Variants in SPTLC1 observed in about 807,000 individuals in gnomAD.
SPTLC1 encodes the protein serine palmitoyltransferase long chain base subunit 1.
A neutral mutation model predicts 68.9 loss-of-function variants in SPTLC1; 55 were observed. The ratio of observed to expected loss-of-function variants is 0.80; its 90% CI spans 0.64 to 1.00. SPTLC1 has a LOEUF of 1.00. Ranked by LOEUF, SPTLC1 falls within the 50% of genes least tolerant of loss-of-function variation. The probability of loss-of-function intolerance (pLI) is 0.00; values close to 1 mark genes in which losing one functional copy is unlikely to be tolerated. For missense variants in SPTLC1, 449 were observed against 573.1 expected (o/e 0.78, Z 2.21); for synonymous variants, 197 against 201.6 (o/e 0.98, Z 0.19).
chr9:92,075,361 C>T (rs914246034), intron 5 of SPTLC1, among the ~76,000 whole-genome samples: 1 of 152,150 alleles, frequency 6.6e-6, no homozygotes, highest in Non-Finnish European at 1.5e-5. Flanking sequence ...AACCAAACCA[C>T]TCTATAAACT....
chr9:92,065,544 AT>A (rs1224300314), intron 6 of SPTLC1, among the ~76,000 whole-genome samples: 2 of 152,248 alleles, frequency 1.3e-5, no homozygotes, highest in East Asian at 3.9e-4. Flanking sequence ...ACAATGTAGT[AT>A]TTATCAAAGG....
chr9:92,049,989 G>C lies in SPTLC1; in HGVS notation c.859C>G (p.Arg287Gly). Residue 287 changes from arginine (R) to glycine (G), a missense_variant, in exon 9 of 15, where the codon CGA (arginine) becomes GGA (glycine). Around this residue, in one of 3 missense-constraint regions of SPTLC1, gnomAD observed 391 missense variants for 472.1 expected, o/e 0.83. Transcript: ENST00000262554. ...LSFGVLGEHG[R>G]GVTEHYGINI... ...ATTCCATAGTGTTCAGTGACTCCTCGGCCATGCTCTCCTAGGACTCCAAAT... is the reference window on the plus strand; with the variant it reads ...ATTCCATAGTGTTCAGTGACTCCTCCGCCATGCTCTCCTAGGACTCCAAAT... 6.2e-7 allele frequency: 1 copy of C among 1,613,352 alleles called. No individual in the cohort carries two copies.
chr9:92,066,996 AAAAAAT>A (rs1423716002), intron 6 of SPTLC1, among the ~76,000 whole-genome samples: 10 of 151,696 alleles, frequency 6.6e-5, no homozygotes, highest in Middle Eastern at 6.8e-3. Flanking sequence ...AAAAAAAATT[AAAAAAT>A]AAAAATAAAA....
At chr9:92,089,410 T>C (rs1009534247) in intron 3 of SPTLC1, among the ~76,000 whole-genome samples, 6 of 151,856 alleles carry the variant, frequency 4.0e-5, no homozygotes, top group African/African-American at 1.5e-4. Context: ...CAAAATTCTA[T>C]CTCAAAAACA....
chr9:92,062,262 A>T (rs1834133847), intron 6 of SPTLC1, among the ~76,000 whole-genome samples: 1 of 152,246 alleles, frequency 6.6e-6, no homozygotes, highest in African/African-American at 2.4e-5. Context: ...GAAAATTATC[A>T]GAGACAGAGA....
intron 6 of SPTLC1, among the ~76,000 whole-genome samples, chr9:92,060,038 G>A (rs1047089726): frequency 2.0e-5 from 3 of 152,080 alleles, no homozygotes; most frequent in Non-Finnish European, 4.4e-5. Flanking sequence ...TCTCCTCCTG[G>A]GCAGTGTCAC....
At chr9:92,082,490 T>C (rs552844805) in intron 3 of SPTLC1, among the ~76,000 whole-genome samples, 2 of 148,810 alleles carry the variant, frequency 1.3e-5, no homozygotes, top group South Asian at 4.3e-4. Flanking sequence ...ACATGCGGTG[T>C]TTGGTTTTTT....
In SPTLC1 at chr9:92,055,351, C is replaced by T. The variant is rs766184852; in HGVS notation, c.780+54G>A. On this transcript the variant is annotated intron_variant, in intron 8 of 14. Coordinates refer to ENST00000262554, the MANE Select transcript of SPTLC1 (RefSeq NM_006415.4). ...ACTAAAAGCGGTCATAAACAAAAGG[C>T]ACATCTGTCAAATAGTCCAAATATT... The T allele has an allele frequency of 9.3e-6, 15 of 1,609,954 alleles. No homozygotes were observed. The South Asian group carries it at 1.5e-4, about 17-fold the overall frequency.
At chr9:92,056,250 G>C (rs1353571034) in intron 7 of SPTLC1, among the ~76,000 whole-genome samples, 1 of 151,686 alleles carries the variant, frequency 6.6e-6, no homozygotes, top group Non-Finnish European at 1.5e-5. Flanking sequence ...TCTTTTTTTT[G>C]AGATGGAGTC....
intron 3 of SPTLC1, chr9:92,104,700 A>T: frequency 6.5e-7 from 1 of 1,528,284 alleles, no homozygotes; most frequent in Non-Finnish European, 8.8e-7. Context: ...GACCAGGTAG[A>T]GACCCAGGGG....
chr9:92,074,008 A>T (rs75541535), intron 5 of SPTLC1, among the ~76,000 whole-genome samples: 6,949 of 151,732 alleles, frequency 0.046, 240 homozygotes, highest in Middle Eastern at 0.065. Flanking sequence ...GACTCTCATC[A>T]CCAATCCTGG....
intron 3 of SPTLC1, among the ~76,000 whole-genome samples, chr9:92,100,836 A>AG (rs912960872): frequency 1.3e-5 from 2 of 149,594 alleles, no homozygotes; most frequent in African/African-American, 4.9e-5. Context: ...TACTAGCAAA[A>AG]GAAAAAAAAA....
chr9:92,098,139 C>T (rs1322932373), intron 3 of SPTLC1, among the ~76,000 whole-genome samples: 1 of 152,156 alleles, frequency 6.6e-6, no homozygotes, highest in Admixed American at 6.5e-5. Flanking sequence ...ATCTTGGCTA[C>T]CCTGACTTGG....
At chr9:92,042,219 A>G (rs1411046697) in intron 12 of SPTLC1, among the ~76,000 whole-genome samples, 2 of 152,258 alleles carry the variant, frequency 1.3e-5, no homozygotes, top group Non-Finnish European at 2.9e-5. Context: ...GGAATAAGGA[A>G]GGAATGTTTG....
intron 3 of SPTLC1, among the ~76,000 whole-genome samples, chr9:92,084,362 G>A (rs1835025030): frequency 6.6e-6 from 1 of 152,228 alleles, no homozygotes; most frequent in South Asian, 2.1e-4. Flanking sequence ...CATTCAGCAT[G>A]ATATTGGCTG....
intron 6 of SPTLC1, among the ~76,000 whole-genome samples, chr9:92,059,595 A>T (rs950524805): frequency 2.6e-5 from 4 of 152,196 alleles, no homozygotes; most frequent in African/African-American, 9.7e-5. Flanking sequence ...GTTTATTCAC[A>T]TACTTTTCTC....
chr9:92,071,252 T>TAAAAG (rs1834477062), intron 5 of SPTLC1, among the ~76,000 whole-genome samples: 1 of 144,446 alleles, frequency 6.9e-6, no homozygotes, highest in African/African-American at 2.6e-5. Context: ...AAAAAAAAAT[T>TAAAAG]AGTTGGGCAT....
At chr9:92,032,580 A>G in intron 14 of SPTLC1, 22 bp from the exon 15 acceptor site, 3 of 1,613,274 alleles carry the variant, frequency 1.9e-6, no homozygotes, top group Non-Finnish European at 2.5e-6. Context: ...AAAGGACACA[A>G]AGAATTATCT....
intron 14 of SPTLC1, among the ~76,000 whole-genome samples, chr9:92,034,568 C>T (rs1480430556): frequency 6.6e-6 from 1 of 152,148 alleles, no homozygotes; most frequent in Non-Finnish European, 1.5e-5. Flanking sequence ...AAGTTCATTG[C>T]TGGGCTCCCA....
Sources: allele counts gnomAD v4.1 joint callset (sites outside exome capture counted in the v4.1 genomes callset), GRCh38; gene constraint gnomAD v4.1.1; regional missense constraint gnomAD v4.1.1; transcripts MANE v1.5; gene names NCBI Gene and HGNC (gene_info 2026-07-23, HGNC 2026-07-21).